Variants in PM20D2 observed in about 807,000 individuals in gnomAD.
PM20D2 encodes xaa-Arg dipeptidase.
A neutral mutation model predicts 42.9 loss-of-function variants in PM20D2; 33 were observed. The ratio of observed to expected loss-of-function variants is 0.77; its 90% CI spans 0.58 to 1.03. The LOEUF (loss-of-function observed/expected upper bound fraction) is 1.03, where lower values mean the gene tolerates loss of function less well. Ranked by LOEUF, PM20D2 falls within the 50% of genes least tolerant of loss-of-function variation. PM20D2 has a pLI of 0.00. For missense variants in PM20D2, 548 were observed against 557.0 expected (o/e 0.98, Z 0.16); for synonymous variants, 250 against 228.2 (o/e 1.10, Z -0.86).
chr6:89,117,144 G>A, the PM20D2 span, among the ~76,000 whole-genome samples: 6 of 152,280 alleles, frequency 3.9e-5, no homozygotes, highest in East Asian at 1.9e-4. Context: ...CTCAACGGAG[G>A]GGTGGGGCAT....
At chr6:89,141,909 T>G (rs1411207783), upstream of PM20D2, among the ~76,000 whole-genome samples, 1 of 152,104 alleles carries the variant, frequency 6.6e-6, no homozygotes, top group African/African-American at 2.4e-5. Flanking sequence ...GCTCAAGCGA[T>G]CCTCAAACCT....
chr6:89,126,414 G>A, the PM20D2 span, among the ~76,000 whole-genome samples: 2 of 151,934 alleles, frequency 1.3e-5, no homozygotes, highest in African/African-American at 4.8e-5. Flanking sequence ...GGCCTGGCAT[G>A]GTGGCTCACG....
the PM20D2 span, among the ~76,000 whole-genome samples, chr6:89,103,526 G>A: frequency 6.6e-6 from 1 of 151,870 alleles, no homozygotes. Flanking sequence ...ACGGGGTTTC[G>A]CCATGTTGGC....
chr6:89,121,991 C>T, the PM20D2 span, among the ~76,000 whole-genome samples: 2 of 152,050 alleles, frequency 1.3e-5, no homozygotes, highest in Non-Finnish European at 1.5e-5. Context: ...AAGTGTATTG[C>T]AAGAAAAATT....
the PM20D2 span, among the ~76,000 whole-genome samples, chr6:89,095,251 T>A: frequency 0.064 from 9,805 of 152,288 alleles, 933 homozygotes; most frequent in African/African-American, 0.21. Flanking sequence ...TTTGAGACAG[T>A]GTCTTACTCT....
the PM20D2 span, among the ~76,000 whole-genome samples, chr6:89,106,298 AC>A: frequency 6.6e-6 from 1 of 151,928 alleles, no homozygotes; most frequent in African/African-American, 2.4e-5. Context: ...TTTTTAGTAG[AC>A]ACGGGGTTTC....
chr6:89,154,759 A>T lies in PM20D2; in HGVS notation c.769A>T (p.Asn257Tyr), dbSNP rs1384783496. The T allele has an allele frequency of 6.5e-7, 1 of 1,540,680 alleles. No individual in the cohort carries two copies. The highest frequency in any genetic ancestry group is 8.8e-7 in the Non-Finnish European group (1 of 1,142,336). The change falls in exon 4 of 7, where the codon AAT becomes TAT. Residue 257 changes from asparagine (N) to tyrosine (Y), a missense_variant. Physicochemically the swap from Asn to Tyr is moderately radical, Grantham distance 143. Coordinates refer to ENST00000275072, the MANE Select transcript of PM20D2 (RefSeq NM_001010853.3). ...PTWRVHGIIK[N>Y]GGVKPNIIPS... ...GGTTCTTTTTATAGGTATAATAAAAAATGGTGGTGTAAAACCCAATATCAT... is the reference window on the plus strand; with the variant it reads ...GGTTCTTTTTATAGGTATAATAAAATATGGTGGTGTAAAACCCAATATCAT...
chr6:89,106,058 C>CTTGTATTTTAACTCACTTGAGTT, the PM20D2 span: 1 of 152,184 alleles, frequency 6.6e-6, no homozygotes, highest in African/African-American at 2.4e-5. Flanking sequence ...TGAGTTAAAA[C>CTTGTATTTTAACTCACTTGAGTT]AAAACCGGAT....
chr6:89,162,274 G>T lies in PM20D2; in HGVS notation c.*11G>T. 4 of 1,596,428 alleles carry T rather than the reference G, an allele frequency of 2.5e-6. No individual in the cohort carries two copies. The highest frequency in any genetic ancestry group is 3.4e-6 in the Non-Finnish European group (4 of 1,172,610). ...AATGCAGTAGAATAAAAGACTTAGG[G>T]GCCACTTATAAATCAAGAAGACGTG... On this transcript the variant is annotated 3_prime_UTR_variant, in exon 7 of 7. Transcript: ENST00000275072.
the PM20D2 span, among the ~76,000 whole-genome samples, chr6:89,110,512 G>C: frequency 1.3e-5 from 2 of 152,192 alleles, no homozygotes; most frequent in Non-Finnish European, 2.9e-5. Context: ...CTTGGCCTGG[G>C]ACCAGTCTGA....
the PM20D2 span, among the ~76,000 whole-genome samples, chr6:89,126,668 TAAAA>T: frequency 2.9e-5 from 3 of 104,656 alleles, no homozygotes; most frequent in African/African-American, 1.1e-4. Flanking sequence ...AGACTCCATC[TAAAA>T]AAAAAAAAAA....
At chr6:89,144,642 C>T (rs1770458193), upstream of PM20D2, among the ~76,000 whole-genome samples, 1 of 152,228 alleles carries the variant, frequency 6.6e-6, no homozygotes, top group Non-Finnish European at 1.5e-5. Flanking sequence ...TTAACAAATG[C>T]TAAGCCCTTG....
Position 89,146,111 on chromosome 6 carries a change from C to A in PM20D2, c.-34C>A, listed in dbSNP as rs983117540. On this transcript the variant is annotated 5_prime_UTR_variant, in exon 1 of 7. Coordinates refer to ENST00000275072, the MANE Select transcript of PM20D2 (RefSeq NM_001010853.3). The stretch of plus-strand genomic sequence containing the variant: ...CGCTACCTGCGGCCGAGCCAGGGAG[C>A]GAGAGGGCGCAGAGGGCAGCGGGCT... The A allele has an allele frequency of 3.6e-6, 5 of 1,393,350 alleles. No individual in the cohort carries two copies. In the African/African-American group the frequency reaches 6.0e-5, roughly 17 times the overall value. 86.3% of individuals were successfully genotyped at this position (1,393,350 alleles called of 1,614,324 possible).
the PM20D2 span, among the ~76,000 whole-genome samples, chr6:89,133,337 T>G: frequency 1.3e-5 from 2 of 151,444 alleles, no homozygotes; most frequent in Admixed American, 6.5e-5. Flanking sequence ...TATTTTAATA[T>G]AAATCTCATA....
chr6:89,129,488 CTAAA>C, the PM20D2 span, among the ~76,000 whole-genome samples: 5 of 151,802 alleles, frequency 3.3e-5, no homozygotes, highest in South Asian at 2.1e-4. Context: ...GATCCTGTCT[CTAAA>C]TAAATAAATA....
At chr6:89,099,426 G>C in the PM20D2 span, among the ~76,000 whole-genome samples, 1 of 140,226 alleles carries the variant, frequency 7.1e-6, no homozygotes, top group Admixed American at 7.0e-5. Context: ...ATATATATAT[G>C]TGTGTATATA....
chr6:89,159,251 G>A (rs774532086), intron 5 of PM20D2, among the ~76,000 whole-genome samples: 2 of 152,158 alleles, frequency 1.3e-5, no homozygotes, highest in Non-Finnish European at 2.9e-5. Context: ...AATACATAGA[G>A]GAAGAAGATT....
the PM20D2 span, chr6:89,098,325 C>A: frequency 9.0e-6 from 3 of 331,596 alleles, no homozygotes; most frequent in South Asian, 5.7e-5. Context: ...TTGAAAAGTA[C>A]CCTTCTGCCA....
chr6:89,112,092 C>A, the PM20D2 span, among the ~76,000 whole-genome samples: 1 of 151,246 alleles, frequency 6.6e-6, no homozygotes, highest in Non-Finnish European at 1.5e-5. Context: ...ACTGCAACCT[C>A]CTCCTCCCCG....
Sources: allele counts gnomAD v4.1 joint callset (sites outside exome capture counted in the v4.1 genomes callset), GRCh38; gene constraint gnomAD v4.1.1; transcripts MANE v1.5; gene names NCBI Gene and HGNC (gene_info 2026-07-23, HGNC 2026-07-21).